DCC: variants seen among roughly 807,000 people sequenced by gnomAD.
DCC encodes the protein netrin receptor DCC.
Under a neutral mutation model 172.5 loss-of-function variants are expected in DCC, and 58 were observed. The observed-to-expected ratio is 0.34, with a 90% CI of 0.27 to 0.42. The LOEUF (loss-of-function observed/expected upper bound fraction) is 0.42. Ranked by LOEUF, DCC falls within the 10% of genes least tolerant of loss-of-function variation. The pLI is 1.00. For synonymous variants in DCC, 709 were observed against 644.5 expected (o/e 1.10, Z -1.52); for missense variants, 1,740 against 1,791.0 (o/e 0.97, Z 0.51).
intron 21 of DCC, among the ~76,000 whole-genome samples, chr18:53,426,145 TC>T (rs1910924138): frequency 6.6e-6 from 1 of 151,086 alleles, no homozygotes; most frequent in Non-Finnish European, 1.5e-5. Flanking sequence ...TTGTCCACTC[TC>T]CCTTGTGAGA....
At chr18:52,536,587 A>T (rs1425319825) in intron 1 of DCC, among the ~76,000 whole-genome samples, 1 of 152,052 alleles carries the variant, frequency 6.6e-6, no homozygotes, top group Non-Finnish European at 1.5e-5. Context: ...TCCATCCTAG[A>T]TCTCTAAACA....
chr18:53,362,756 G>T (rs779945062), intron 15 of DCC, among the ~76,000 whole-genome samples: 2 of 151,978 alleles, frequency 1.3e-5, no homozygotes, highest in African/African-American at 2.4e-5. Flanking sequence ...AGACATTGAG[G>T]AGAAAACAAG....
At chr18:52,539,920 TTTAGGTATCA>T (rs2032392017) in intron 1 of DCC, among the ~76,000 whole-genome samples, 1 of 152,128 alleles carries the variant, frequency 6.6e-6, no homozygotes, top group Admixed American at 6.5e-5. Flanking sequence ...ACCCACAAAA[TTTAGGTATCA>T]CTAGGTAAAG....
intron 7 of DCC, among the ~76,000 whole-genome samples, chr18:53,109,785 T>A (rs1278319672): frequency 1.3e-5 from 2 of 151,770 alleles, no homozygotes; most frequent in Non-Finnish European, 3.0e-5. Flanking sequence ...TTTTTAAATG[T>A]TGTCCTTTTT....
intron 1 of DCC, among the ~76,000 whole-genome samples, chr18:52,635,188 T>TGGGAG (rs2034750622): frequency 6.6e-6 from 1 of 152,218 alleles, no homozygotes; most frequent in Admixed American, 6.5e-5. Flanking sequence ...ATAGCTATTC[T>TGGGAG]TCTTTTCACA....
rs1254897423 is a variant in DCC, at chr18:53,450,600, A to T, written c.3330A>T (p.Thr1110=). 6.2e-7 allele frequency: 1 copy of T among 1,612,590 alleles called. No individual in the cohort carries two copies. Among genetic ancestry groups the T allele is most frequent in the East Asian group, 2.2e-5 (1 of 44,764 alleles). ...VIIVVTVGVI[T]VLVVVIVAVI... ...TTGTGGTCACCGTTGGTGTCATCAC[A>T]GTGCTGGTAGTGGTCATCGTGGCTG... The change falls in exon 23 of 29, where the codon ACA becomes ACT. Residue 1110 remains threonine, a synonymous_variant. Transcript: ENST00000442544.
intron 2 of DCC, among the ~76,000 whole-genome samples, chr18:52,759,758 ATATAT>A (rs1362697556): frequency 1.3e-5 from 2 of 152,222 alleles, no homozygotes; most frequent in African/African-American, 4.8e-5. Context: ...CACAAGGAAA[ATATAT>A]TACACTGTTA....
chr18:53,517,443 T>TATAATAATA (rs71179517), intron 27 of DCC, among the ~76,000 whole-genome samples: 3,936 of 142,452 alleles, frequency 0.028, 162 homozygotes, highest in African/African-American at 0.089. Flanking sequence ...AAACTTAAAA[T>TATAATAATA]ATAATAATAA....
intron 1 of DCC, among the ~76,000 whole-genome samples, chr18:52,608,867 T>G (rs2034191196): frequency 6.6e-6 from 1 of 152,190 alleles, no homozygotes; most frequent in Non-Finnish European, 1.5e-5. Context: ...CCATCTGCCC[T>G]GAGATATGTG....
intron 8 of DCC, among the ~76,000 whole-genome samples, chr18:53,158,982 C>G: frequency 1.7e-5 from 1 of 57,216 alleles, no homozygotes; most frequent in East Asian, 1.3e-3. Context: ...AACAGAGACG[C>G]CATCTCAAAA....
chr18:53,066,148 C>A lies in DCC; in HGVS notation c.1243C>A (p.Leu415Ile). 2 of 1,613,152 alleles carry A rather than the reference C, an allele frequency of 1.2e-6. No homozygotes were observed. The highest frequency in any genetic ancestry group is 4.5e-5 in the East Asian group (2 of 44,830). ...TGGAAATGCCCAGACCAGTGCACAG[C>A]TCATTGTCCCTAAGCCTGGTAAGAC... ...EAGNAQTSAQ[L>I]IVPKPAIPSS... is the part of the protein sequence containing the mutation. Residue 415 changes from leucine to isoleucine, a missense_variant, in exon 7 of 29, where the codon CTC (leucine) becomes ATC (isoleucine). By Grantham distance (5) the Leu-to-Ile change is conservative. Around this residue, in one of 2 missense-constraint regions of DCC, gnomAD observed 1,732 missense variants for 1,767.4 expected, o/e 0.98. Transcript: ENST00000442544.
intron 15 of DCC, among the ~76,000 whole-genome samples, chr18:53,372,158 T>C (rs1389488752): frequency 1.3e-5 from 2 of 152,036 alleles, no homozygotes; most frequent in African/African-American, 4.8e-5. Flanking sequence ...AAGACACATG[T>C]GTGTGTATGT....
chr18:52,742,440 T>C (rs2036838049), intron 1 of DCC, among the ~76,000 whole-genome samples: 1 of 152,188 alleles, frequency 6.6e-6, no homozygotes, highest in African/African-American at 2.4e-5. Flanking sequence ...ATAGGGATTA[T>C]TAGGCTGTTT....
intron 1 of DCC, among the ~76,000 whole-genome samples, chr18:52,420,042 A>C (rs957012116): frequency 6.6e-6 from 1 of 152,150 alleles, no homozygotes; most frequent in Non-Finnish European, 1.5e-5. Flanking sequence ...AATGTATTTA[A>C]CCATTGTGTG....
chr18:52,959,867 C>T (rs11876235), intron 5 of DCC, among the ~76,000 whole-genome samples: 1,775 of 152,136 alleles, frequency 0.012, 26 homozygotes, highest in African/African-American at 0.039. Flanking sequence ...CTGGTGAGCA[C>T]TGAGTGACAG....
intron 5 of DCC, among the ~76,000 whole-genome samples, chr18:52,942,301 G>A (rs758198860): frequency 1.4e-4 from 21 of 151,972 alleles, no homozygotes; most frequent in Non-Finnish European, 1.9e-4. Context: ...ATTCAAGTTT[G>A]TTCAACTCAT....
At chr18:52,666,137 T>C (rs2035455642) in intron 1 of DCC, among the ~76,000 whole-genome samples, 1 of 151,468 alleles carries the variant, frequency 6.6e-6, no homozygotes, top group Non-Finnish European at 1.5e-5. Flanking sequence ...AAGAAAAAAA[T>C]ACAAAATTAG....
chr18:52,356,880 T>G (rs1984390327), intron 1 of DCC, among the ~76,000 whole-genome samples: 1 of 152,092 alleles, frequency 6.6e-6, no homozygotes, highest in Admixed American at 6.5e-5. Context: ...CCTCCTGGGT[T>G]CAAGCAATTC....
chr18:53,305,514 C>A (rs1330315031), intron 12 of DCC, 64 bp from the exon 13 acceptor site: 6 of 1,410,030 alleles, frequency 4.3e-6, no homozygotes, highest in Non-Finnish European at 6.0e-6. Context: ...TGGGTTACTT[C>A]TTTGACCCTG....
Sources: allele counts gnomAD v4.1 joint callset (sites outside exome capture counted in the v4.1 genomes callset), GRCh38; gene constraint gnomAD v4.1.1; regional missense constraint gnomAD v4.1.1; transcripts MANE v1.5; gene names NCBI Gene and HGNC (gene_info 2026-07-23, HGNC 2026-07-21).